The following SHANK2 variants were observed in gnomAD, a reference collection of about 807,000 sequenced individuals.
The protein encoded by SHANK2 is SH3 and multiple ankyrin repeat domains 2, also known as SH3 and multiple ankyrin repeat domains protein 2.
Under a neutral mutation model 133.7 loss-of-function variants are expected in SHANK2, and 43 were observed. The ratio of observed to expected loss-of-function variants is 0.32; its 90% CI spans 0.25 to 0.41. The LOEUF is 0.41. SHANK2 is among the 10% of genes least tolerant of loss of function. The probability of loss-of-function intolerance (pLI) is 1.00; values close to 1 mark genes in which losing one functional copy is unlikely to be tolerated. For missense variants in SHANK2, 1,994 were observed against 2,235.8 expected, an observed-to-expected ratio of 0.89 and a Z score of 2.18; for synonymous variants, 1,017 against 952.8, an observed-to-expected ratio of 1.07 and a Z score of -1.24.
chr11:70,557,886 C>A (rs547427100), intron 17 of SHANK2, among the ~76,000 whole-genome samples: 1 of 152,228 alleles, frequency 6.6e-6, no homozygotes, highest in African/African-American at 2.4e-5. Context: ...AGCTCCCAGG[C>A]GTGCCGAGCC....
chr11:70,490,154 C>A, intron 23 of SHANK2, 122 bp downstream of exon 23: 2 of 801,892 alleles, frequency 2.5e-6, no homozygotes, highest in Non-Finnish European at 2.1e-6. Context: ...GCTGGCAGGG[C>A]CTTGCTGGGG....
intron 3 of SHANK2, among the ~76,000 whole-genome samples, chr11:71,130,827 A>C (rs539974424): frequency 1.3e-5 from 2 of 152,336 alleles, no homozygotes; most frequent in African/African-American, 4.8e-5. Flanking sequence ...GGAGCCAGAA[A>C]CGCAGACCCC....
chr11:71,166,536 A>G (rs1386933235), intron 2 of SHANK2, among the ~76,000 whole-genome samples: 1 of 144,148 alleles, frequency 6.9e-6, no homozygotes, highest in Non-Finnish European at 1.5e-5. Context: ...GCTGCAGTGC[A>G]GTGGCATGAT....
chr11:70,892,032 A>G (rs1427825126), intron 11 of SHANK2, among the ~76,000 whole-genome samples: 1 of 152,168 alleles, frequency 6.6e-6, no homozygotes, highest in Non-Finnish European at 1.5e-5. Context: ...GTCTCTCGAA[A>G]GCTCAGAAGA....
At chr11:70,521,739 T>C (rs1164553174) in intron 17 of SHANK2, among the ~76,000 whole-genome samples, 1 of 152,124 alleles carries the variant, frequency 6.6e-6, no homozygotes, top group Non-Finnish European at 1.5e-5. Flanking sequence ...CCACCTTCCT[T>C]GGGTAAACAG....
chr11:70,685,341 C>T (rs2134408545), intron 15 of SHANK2, among the ~76,000 whole-genome samples: 1 of 152,298 alleles, frequency 6.6e-6, no homozygotes, highest in African/African-American at 2.4e-5. Flanking sequence ...GGCCTCAGAG[C>T]TCCACGGGGC....
At chr11:71,149,262 A>C (rs1952714786) in intron 2 of SHANK2, among the ~76,000 whole-genome samples, 1 of 152,174 alleles carries the variant, frequency 6.6e-6, no homozygotes, top group African/African-American at 2.4e-5. Flanking sequence ...CCTCAAAGCA[A>C]GACGTAAATT....
At chr11:70,674,075 T>G (rs1456932035) in intron 15 of SHANK2, among the ~76,000 whole-genome samples, 1 of 152,106 alleles carries the variant, frequency 6.6e-6, no homozygotes, top group Admixed American at 6.5e-5. Context: ...TCCCACAAGA[T>G]CTGATTGTTA....
chr11:71,161,864 T>C (rs1258129672), intron 2 of SHANK2, among the ~76,000 whole-genome samples: 2 of 152,236 alleles, frequency 1.3e-5, no homozygotes, highest in Non-Finnish European at 2.9e-5. Context: ...AGAATAAACC[T>C]CTTTAAATAT....
At chr11:70,595,910 C>G (rs940589274) in intron 17 of SHANK2, among the ~76,000 whole-genome samples, 1 of 152,226 alleles carries the variant, frequency 6.6e-6, no homozygotes, top group African/African-American at 2.4e-5. Flanking sequence ...ATTCCAGCGA[C>G]TGGTGTCCTT....
intron 15 of SHANK2, among the ~76,000 whole-genome samples, chr11:70,692,362 A>C (rs1417061339): frequency 6.6e-6 from 1 of 152,194 alleles, no homozygotes; most frequent in Non-Finnish European, 1.5e-5. Context: ...ATATTTTCTC[A>C]TTCATCCTTA....
chr11:70,566,121 A>T (rs190004194), intron 17 of SHANK2, among the ~76,000 whole-genome samples: 47 of 152,282 alleles, frequency 3.1e-4, no homozygotes, highest in African/African-American at 1.1e-3. Context: ...ATCAGATCTC[A>T]TGAGACTTGT....
intron 17 of SHANK2, chr11:70,566,682 C>CCCCT (rs1353225839): frequency 2.6e-4 from 39 of 152,278 alleles, no homozygotes; most frequent in African/African-American, 8.9e-4. Context: ...CCCTGCCCTT[C>CCCCT]CCCTCCCGTG....
Position 70,492,355 on chromosome 11 carries a change from G to T in SHANK2, c.2419C>A (p.Pro807Thr). 6.2e-7 allele frequency: 1 copy of T among 1,612,396 alleles called. No homozygotes were observed. ...IKQRPSSRCF[P>T]AGSDMNSVYE... The stretch of plus-strand genomic sequence containing the variant: ...CTCACGTTCATGTCTGAGCCCGCCG[G>T]GAAGCACCGGCTGCTGGGCCGCTGC... Residue 807 changes from proline to threonine, a missense_variant, in exon 22 of 26, where the codon CCG becomes ACG. Physicochemically the swap from Pro to Thr is conservative, Grantham distance 38 (BLOSUM62 -1). Transcript: ENST00000601538.
intron 17 of SHANK2, among the ~76,000 whole-genome samples, chr11:70,597,216 G>A (rs1457153110): frequency 7.2e-5 from 11 of 152,022 alleles, no homozygotes; most frequent in East Asian, 1.9e-4. Context: ...AGCACCCGCC[G>A]CCAGGGGAAA....
At chr11:70,547,837 C>G (rs1294889155) in intron 17 of SHANK2, among the ~76,000 whole-genome samples, 2 of 152,334 alleles carry the variant, frequency 1.3e-5, no homozygotes, top group East Asian at 3.9e-4. Context: ...TAGACACAAT[C>G]GAGACAGAGA....
intron 15 of SHANK2, among the ~76,000 whole-genome samples, chr11:70,667,370 A>G (rs1944697457): frequency 6.6e-6 from 1 of 152,166 alleles, no homozygotes; most frequent in African/African-American, 2.4e-5. Flanking sequence ...AGCTTATGGG[A>G]TACACTTGGA....
intron 14 of SHANK2, among the ~76,000 whole-genome samples, chr11:70,721,784 A>G (rs1946079917): frequency 1.3e-5 from 2 of 152,222 alleles, no homozygotes; most frequent in African/African-American, 4.8e-5. Flanking sequence ...TTTCCTAACC[A>G]TCTGAGCTCA....
chr11:70,471,403 C>T lies in SHANK2; in HGVS notation c.*1466G>A, dbSNP rs1347102235. The T allele has an allele frequency of 1.3e-5, 5 of 398,740 alleles. No homozygotes were observed. Among genetic ancestry groups the T allele is most frequent in the Admixed American group, 4.4e-5 (1 of 22,704 alleles). The allele number at this position is 398,740 out of a possible 1,614,324, so 24.7% of individuals were successfully genotyped here. ...GCTGGAAGCCTGACTGTGTGTTTTGCGGCCCATGTGCATCTGGTGACCTCT... is the reference window on the plus strand; with the variant it reads ...GCTGGAAGCCTGACTGTGTGTTTTGTGGCCCATGTGCATCTGGTGACCTCT... On this transcript the variant is annotated 3_prime_UTR_variant, in exon 26 of 26. Transcript: ENST00000601538. The surrounding 1 kb of genome is among the most constrained non-coding windows in gnomAD (Gnocchi z 4.1).
Sources: allele counts gnomAD v4.1 joint callset (sites outside exome capture counted in the v4.1 genomes callset), GRCh38; gene constraint gnomAD v4.1.1; non-coding constraint Gnocchi (gnomAD v3.1); transcripts MANE v1.5; gene names NCBI Gene and HGNC (gene_info 2026-07-23, HGNC 2026-07-21).